RYK: variants seen among roughly 807,000 people sequenced by gnomAD.
RYK encodes receptor like tyrosine kinase.
A neutral mutation model predicts 70.2 loss-of-function variants in RYK; 21 were observed. That is an observed-to-expected ratio of 0.30 (90% CI 0.21 to 0.43). The LOEUF is 0.43. RYK is among the 20% of genes least tolerant of loss of function. The probability of loss-of-function intolerance (pLI) is 1.00; values close to 1 mark genes in which losing one functional copy is unlikely to be tolerated. For synonymous variants in RYK, 267 were observed against 278.0 expected (o/e 0.96, Z 0.39); for missense variants, 604 against 753.3 (o/e 0.80, Z 2.32).
At chr3:134,213,199 C>T (rs539479293) in intron 2 of RYK, among the ~76,000 whole-genome samples, 1 of 152,186 alleles carries the variant, frequency 6.6e-6, no homozygotes, top group Non-Finnish European at 1.5e-5. Context: ...TATCTCTGAA[C>T]AGGACCATAC....
intron 9 of RYK, among the ~76,000 whole-genome samples, chr3:134,184,961 C>CAAAAAAAAAA (rs34543975): frequency 2.5e-5 from 2 of 80,130 alleles, no homozygotes; most frequent in Non-Finnish European, 2.5e-5. Flanking sequence ...CCCATCTCTA[C>CAAAAAAAAAA]AAAAAAAAAA....
intron 2 of RYK, among the ~76,000 whole-genome samples, chr3:134,221,053 G>T (rs2014718042): frequency 6.6e-6 from 1 of 152,028 alleles, no homozygotes; most frequent in Non-Finnish European, 1.5e-5. Flanking sequence ...TTATTCTGTA[G>T]GGGAAAAAGT....
At chr3:134,207,169 C>G (rs6439467) in intron 5 of RYK, among the ~76,000 whole-genome samples, 94,363 of 151,962 alleles carry the variant, frequency 0.62, 29,640 homozygotes, top group Middle Eastern at 0.78. Flanking sequence ...TGCTAATAAA[C>G]ATCTTACACA....
intron 13 of RYK, chr3:134,170,587 C>A: frequency 6.3e-6 from 1 of 157,998 alleles, no homozygotes. Flanking sequence ...CCAAAGATCC[C>A]TGTCAATTTT....
chr3:134,206,812 G>C (rs2014225033), intron 5 of RYK, among the ~76,000 whole-genome samples: 1 of 152,050 alleles, frequency 6.6e-6, no homozygotes, highest in South Asian at 2.1e-4. Flanking sequence ...GAGGCTGGGG[G>C]ATGGGCACAT....
At chr3:134,219,281 A>G (rs1051939084) in intron 2 of RYK, among the ~76,000 whole-genome samples, 4 of 152,236 alleles carry the variant, frequency 2.6e-5, no homozygotes, top group Admixed American at 1.3e-4. Flanking sequence ...TCAGACACCC[A>G]TTACCAGCAA....
intron 4 of RYK, among the ~76,000 whole-genome samples, chr3:134,208,799 G>A (rs1046228226): frequency 2.6e-5 from 4 of 152,172 alleles, no homozygotes; most frequent in African/African-American, 9.7e-5. Context: ...TTCCTTTTCT[G>A]AAAATGAAGA....
intron 9 of RYK, among the ~76,000 whole-genome samples, chr3:134,185,800 T>C (rs1223299632): frequency 6.6e-6 from 1 of 152,208 alleles, no homozygotes; most frequent in Non-Finnish European, 1.5e-5. Flanking sequence ...CAACAAATGG[T>C]AATTTCAGAA....
intron 10 of RYK, among the ~76,000 whole-genome samples, chr3:134,182,535 C>T (rs1316471993): frequency 2.0e-5 from 3 of 151,988 alleles, no homozygotes; most frequent in African/African-American, 7.2e-5. Flanking sequence ...TCTCTAGATA[C>T]AGATGGATAA....
At chr3:134,208,237 G>C (rs2014276174) in intron 4 of RYK, among the ~76,000 whole-genome samples, 1 of 152,164 alleles carries the variant, frequency 6.6e-6, no homozygotes, top group Non-Finnish European at 1.5e-5. Flanking sequence ...TATTAGCACT[G>C]GTGGGATCCA....
chr3:134,169,574 T>C (rs1230805809), intron 13 of RYK, among the ~76,000 whole-genome samples: 2 of 152,172 alleles, frequency 1.3e-5, no homozygotes, highest in African/African-American at 4.8e-5. Flanking sequence ...CAGTTAAAAG[T>C]TGACGTTAAC....
intron 2 of RYK, among the ~76,000 whole-genome samples, chr3:134,213,382 T>G (rs146222675): frequency 6.6e-6 from 1 of 152,216 alleles, no homozygotes; most frequent in African/African-American, 2.4e-5. Context: ...CAATACATAC[T>G]GTTAGCCTGG....
rs527347236 is a variant in RYK, at chr3:134,191,270, T to C, written c.1015+579A>G. Among the ~76,000 whole-genome samples the C allele has an allele frequency of 9.8e-5, 15 of 152,338 alleles. No homozygotes were observed. In the South Asian group the frequency reaches 2.9e-3, roughly 29 times the overall value. ...GCCCAGTGAGAGGTGAAGGGAAGCA[T>C]ACTAACACCTGGCAAACACTATTAT... On this transcript the variant is annotated intron_variant, in intron 8 of 14. Transcript: ENST00000623711.
intron 6 of RYK, among the ~76,000 whole-genome samples, chr3:134,201,123 C>T (rs1035463533): frequency 6.6e-6 from 1 of 152,226 alleles, no homozygotes; most frequent in Admixed American, 6.5e-5. Flanking sequence ...AAAGTCCTAT[C>T]AAAATGTTCC....
intron 13 of RYK, among the ~76,000 whole-genome samples, chr3:134,165,112 A>AT (rs1265006747): frequency 1.3e-5 from 2 of 152,084 alleles, no homozygotes; most frequent in African/African-American, 2.4e-5. Context: ...GCTCTTTCAC[A>AT]TTTTTTGTCA....
chr3:134,195,054 C>T, intron 7 of RYK, 28 bp downstream of exon 7: 3 of 1,509,518 alleles, frequency 2.0e-6, no homozygotes, highest in African/African-American at 1.4e-5. Context: ...CTTGAGTAAA[C>T]TGGCTTTAGA....
intron 1 of RYK, among the ~76,000 whole-genome samples, chr3:134,228,452 CA>C (rs1439253302): frequency 6.6e-6 from 1 of 152,064 alleles, no homozygotes; most frequent in African/African-American, 2.4e-5. Context: ...AACTGTCCAA[CA>C]AGGAATGAAT....
At chr3:134,215,335 A>G (rs2014519462) in intron 2 of RYK, among the ~76,000 whole-genome samples, 2 of 152,216 alleles carry the variant, frequency 1.3e-5, no homozygotes, top group Admixed American at 6.5e-5. Context: ...ATGAGGGCAC[A>G]GGGAGAGGTG....
intron 10 of RYK, chr3:134,180,395 C>G (rs755976948): frequency 2.0e-5 from 3 of 152,130 alleles, no homozygotes; most frequent in African/African-American, 7.2e-5. Flanking sequence ...CTTCAATACG[C>G]GTACAATCCG....
Sources: gnomAD v4.1 joint callset for allele counts (sites outside exome capture counted in the v4.1 genomes callset) on GRCh38, gnomAD v4.1.1 for gene constraint, MANE v1.5 for transcripts, NCBI Gene and HGNC (gene_info 2026-07-23, HGNC 2026-07-21) for gene names.